SLC39A10: variants seen among roughly 807,000 people sequenced by gnomAD.
SLC39A10 encodes zinc transporter ZIP10.
Under a neutral mutation model 65.1 loss-of-function variants are expected in SLC39A10, and 13 were observed. That is an observed-to-expected ratio of 0.20 (90% CI 0.13 to 0.32). SLC39A10 has a LOEUF of 0.32. Among genes scored for constraint, SLC39A10 ranks in the 10% least tolerant of loss-of-function variants. The probability of loss-of-function intolerance (pLI) is 1.00; values close to 1 mark genes in which losing one functional copy is unlikely to be tolerated. For synonymous variants in SLC39A10, 321 were observed against 342.2 expected, an observed-to-expected ratio of 0.94 and a Z score of 0.68; for missense variants, 831 against 1,018.4, an observed-to-expected ratio of 0.82 and a Z score of 2.50.
chr2:195,719,300 T>C (rs75224928), intron 8 of SLC39A10, among the ~76,000 whole-genome samples: 2,559 of 152,278 alleles, frequency 0.017, 69 homozygotes, highest in African/African-American at 0.058. Flanking sequence ...TATTACTGTG[T>C]TTTAAAACTC....
intron 2 of SLC39A10, among the ~76,000 whole-genome samples, chr2:195,642,026 T>C (rs1688820650): frequency 6.6e-6 from 1 of 152,172 alleles, no homozygotes; most frequent in African/African-American, 2.4e-5. Flanking sequence ...TCACGAGCAA[T>C]TAATCTGCAG....
At chr2:195,631,223 T>C (rs1688579529) in intron 2 of SLC39A10, among the ~76,000 whole-genome samples, 1 of 151,736 alleles carries the variant, frequency 6.6e-6, no homozygotes, top group African/African-American at 2.4e-5. Context: ...GAGATATATA[T>C]ATCAGCTTTA....
intron 1 of SLC39A10, among the ~76,000 whole-genome samples, chr2:195,669,605 C>T (rs1689771935): frequency 6.6e-6 from 1 of 152,180 alleles, no homozygotes; most frequent in Non-Finnish European, 1.5e-5. Flanking sequence ...TATATTCCTA[C>T]TGAACTTGTT....
At chr2:195,682,717 A>G (rs1177862718) in intron 2 of SLC39A10, among the ~76,000 whole-genome samples, 1 of 152,146 alleles carries the variant, frequency 6.6e-6, no homozygotes, top group Non-Finnish European at 1.5e-5. Context: ...TGTTAATGCT[A>G]TTCTGATAGG....
In SLC39A10 at chr2:195,647,309, C is replaced by T. The variant is rs138622351; in HGVS notation, c.-11-32723C>T. Among the ~76,000 whole-genome samples the T allele has an allele frequency of 5.7e-4, 86 of 152,100 alleles. 1 individual carries two copies. In the East Asian group the frequency reaches 7.0e-3, roughly 12 times the overall value. On this transcript the variant is annotated intron_variant, in intron 2 of 2. Coordinates refer to the SLC39A10 transcript ENST00000458054. The stretch of plus-strand genomic sequence containing the variant: ...GCCCATGATCACGTCACTTGCCCAC[C>T]GAAAATTCTTCAATGGCCCTTGTTG...
chr2:195,657,501 C>T (rs992364807), intron 1 of SLC39A10: 3 of 985,454 alleles, frequency 3.0e-6, no homozygotes, highest in Non-Finnish European at 3.6e-6. Flanking sequence ...GAGTGTTGGG[C>T]GCCGCGGCTC....
In SLC39A10 at chr2:195,735,897, A is replaced by G. The variant is rs771744346; in HGVS notation, c.*856A>G. On this transcript the variant is annotated 3_prime_UTR_variant, in exon 10 of 10. Coordinates refer to ENST00000359634, the MANE Select transcript of SLC39A10 (RefSeq NM_020342.3). ...TAACCCTCTAGAAAATATCAAAGAA[A>G]TGAACCAGACGTGGTTTAAATAGTT... is the stretch of plus-strand genomic sequence containing the variant. The G allele has an allele frequency of 2.0e-5, 3 of 151,550 alleles. No individual in the cohort carries two copies. The highest frequency in any genetic ancestry group is 7.3e-5 in the African/African-American group (3 of 41,200). 9.4% of individuals were successfully genotyped at this position (151,550 alleles called of 1,614,324 possible).
rs546623524 is a variant in SLC39A10 at position 195,690,854 on chromosome 2, T to C, written c.1216+6948T>C. The stretch of plus-strand genomic sequence containing the variant: ...TCTGTTGATAATTGTCTTTTTGTTT[T>C]TAAATTTTTATTTCAATAGGTTTTT... On this transcript the variant is annotated intron_variant, in intron 3 of 9. Transcript: ENST00000359634. 2.2e-4 allele frequency among the ~76,000 whole-genome samples: 33 copies of C among 152,324 alleles called. 1 individual carries two copies. The South Asian group carries it at 6.6e-3, about 31-fold the overall frequency.
chr2:195,613,533 C>T (rs1490949321), intron 2 of SLC39A10, among the ~76,000 whole-genome samples: 1 of 152,176 alleles, frequency 6.6e-6, no homozygotes, highest in Admixed American at 6.5e-5. Context: ...AATCTGTCAA[C>T]AAACTTCTTA....
chr2:195,668,528 C>T (rs1418912363), intron 1 of SLC39A10, among the ~76,000 whole-genome samples: 1 of 152,196 alleles, frequency 6.6e-6, no homozygotes, highest in African/African-American at 2.4e-5. Flanking sequence ...GTATCTTTCC[C>T]CATCATTATT....
At chr2:195,678,228 T>A (rs1190765795) in intron 1 of SLC39A10, among the ~76,000 whole-genome samples, 1 of 152,240 alleles carries the variant, frequency 6.6e-6, no homozygotes, top group Non-Finnish European at 1.5e-5. Context: ...TCTCTAATAC[T>A]ACTGTCAGTA....
At position 195,664,188 on chromosome 2, in the gene SLC39A10, A is replaced by T. The variant is rs553093288; in HGVS notation, c.-12+6907A>T. 1.1e-4 allele frequency among the ~76,000 whole-genome samples: 16 copies of T among 152,258 alleles called. No individual in the cohort carries two copies. In the East Asian group the frequency reaches 3.1e-3, roughly 29 times the overall value. ...TATATAATTTCTAAAACAAATTCTT[A>T]AATCTTTTTCTGTGAAGATTTTTGC... On this transcript the variant is annotated intron_variant, in intron 1 of 9. Transcript: ENST00000359634.
At chr2:195,636,753 A>G (rs1471532514) in intron 2 of SLC39A10, among the ~76,000 whole-genome samples, 2 of 152,034 alleles carry the variant, frequency 1.3e-5, no homozygotes, top group African/African-American at 4.8e-5. Context: ...ACTCTGTCTA[A>G]AGAAAAAAAA....
intron 3 of SLC39A10, among the ~76,000 whole-genome samples, chr2:195,698,298 A>C (rs965601580): frequency 5.9e-5 from 9 of 152,026 alleles, no homozygotes; most frequent in Non-Finnish European, 8.8e-5. Flanking sequence ...CTCCTTTCCA[A>C]ATTGGATGTT....
chr2:195,618,457 A>G (rs570768252), intron 2 of SLC39A10, among the ~76,000 whole-genome samples: 14 of 152,320 alleles, frequency 9.2e-5, no homozygotes, highest in Admixed American at 5.9e-4. Context: ...GTCATAGAGT[A>G]CCAAAGTAAA....
At chr2:195,693,886 T>A (rs938415207) in intron 3 of SLC39A10, among the ~76,000 whole-genome samples, 1 of 152,218 alleles carries the variant, frequency 6.6e-6, no homozygotes, top group African/African-American at 2.4e-5. Context: ...CTGTGAGGTG[T>A]GACCTTGGAT....
intron 1 of SLC39A10, chr2:195,657,584 C>A (rs1403192391): frequency 1.0e-6 from 1 of 982,296 alleles, no homozygotes; most frequent in Non-Finnish European, 1.2e-6. Flanking sequence ...TGCGGAGCCT[C>A]GCGCCCCCCT....
At chr2:195,613,622 A>T (rs1574471849) in intron 2 of SLC39A10, among the ~76,000 whole-genome samples, 1 of 152,220 alleles carries the variant, frequency 6.6e-6, no homozygotes, top group East Asian at 1.9e-4. Context: ...TTTAGTAGTA[A>T]TAATGCATAG....
chr2:195,666,185 G>A (rs1373392951), intron 1 of SLC39A10, among the ~76,000 whole-genome samples: 2 of 152,142 alleles, frequency 1.3e-5, no homozygotes, highest in African/African-American at 4.8e-5. Context: ...TGGACAGAAA[G>A]CTCCCATGTT....
Sources: allele counts gnomAD v4.1 joint callset (sites outside exome capture counted in the v4.1 genomes callset), GRCh38; gene constraint gnomAD v4.1.1; transcripts MANE v1.5; gene names NCBI Gene and HGNC (gene_info 2026-07-23, HGNC 2026-07-21).